The following MECOM variants were observed in gnomAD, a reference collection of about 807,000 sequenced individuals.
MECOM encodes histone-lysine N-methyltransferase MECOM.
In MECOM, 13 loss-of-function variants were observed where a neutral mutation model predicts 116.3. That is an observed-to-expected ratio of 0.11 (90% CI 0.07 to 0.18). The LOEUF (loss-of-function observed/expected upper bound fraction) is 0.18. Ranked by LOEUF, MECOM falls within the 10% of genes least tolerant of loss-of-function variation. The pLI is 1.00. For synonymous variants in MECOM, 528 were observed against 535.2 expected, an observed-to-expected ratio of 0.99 and a Z score of 0.19; for missense variants, 1,299 against 1,509.0, an observed-to-expected ratio of 0.86 and a Z score of 2.31.
At chr3:169,511,756 T>C (rs1755995176) in intron 1 of MECOM, among the ~76,000 whole-genome samples, 1 of 151,856 alleles carries the variant, frequency 6.6e-6, no homozygotes, top group African/African-American at 2.4e-5. Context: ...GCAACAGAGT[T>C]AGACTCTGTC....
chr3:169,400,454 T>C (rs572465114), intron 1 of MECOM, among the ~76,000 whole-genome samples: 30 of 152,354 alleles, frequency 2.0e-4, no homozygotes, highest in Non-Finnish European at 3.2e-4. Context: ...CCTTTGGAAA[T>C]TCTCAACATA....
At chr3:169,543,069 T>C (rs1368744822) in intron 1 of MECOM, among the ~76,000 whole-genome samples, 1 of 152,158 alleles carries the variant, frequency 6.6e-6, no homozygotes. Flanking sequence ...TAGTTACGAA[T>C]ACCAAAATGT....
chr3:169,315,822 A>T (rs188808890), intron 2 of MECOM, among the ~76,000 whole-genome samples: 4 of 152,298 alleles, frequency 2.6e-5, no homozygotes, highest in African/African-American at 9.6e-5. Context: ...ATTATACAAC[A>T]TTGGTGTAAT....
At chr3:169,089,334 T>C in intron 15 of MECOM, 151 bp from the exon 16 acceptor site, 1 of 486,084 alleles carries the variant, frequency 2.1e-6, no homozygotes, top group Admixed American at 4.3e-5. Context: ...TTTTTATAAA[T>C]ACTTACAAAC....
At position 169,562,584 on chromosome 3, in the gene MECOM, G is replaced by A. The variant is rs149493737; in HGVS notation, c.37+100752C>T. On this transcript the variant is annotated intron_variant, in intron 1 of 16. Coordinates refer to ENST00000651503, the MANE Select transcript of MECOM (RefSeq NM_004991.4). ...TTTAATTGTGTAGCAACATGAATTT[G>A]GTGTCTTAACCTTTCCGCCTCCTGG... Among the ~76,000 whole-genome samples the A allele has an allele frequency of 5.8e-3, 879 of 152,206 alleles. 9 individuals are homozygous for A. Among genetic ancestry groups the A allele is most frequent in the African/African-American group, 0.02 (843 of 41,536 alleles).
At chr3:169,267,586 C>A (rs1225944690) in intron 2 of MECOM, among the ~76,000 whole-genome samples, 1 of 152,078 alleles carries the variant, frequency 6.6e-6, no homozygotes, top group Non-Finnish European at 1.5e-5. Context: ...TGGGATGGAA[C>A]ATTAGCCTAT....
chr3:169,570,506 T>G lies in MECOM; in HGVS notation c.37+92830A>C, dbSNP rs147412804. ...TCATTTTACGAGGCCAGCATCATCC[T>G]AATACCAAAACCTGAAAAAGACACA... On this transcript the variant is annotated intron_variant, in intron 1 of 16. Coordinates refer to ENST00000651503, the MANE Select transcript of MECOM (RefSeq NM_004991.4). Among the ~76,000 whole-genome samples the G allele has an allele frequency of 9.2e-5, 14 of 152,260 alleles. No individual in the cohort carries two copies. In the East Asian group the frequency reaches 1.7e-3, roughly 19 times the overall value.
chr3:169,423,092 G>A lies in MECOM; in HGVS notation c.38-41568C>T, dbSNP rs528700665. On this transcript the variant is annotated intron_variant, in intron 1 of 16. Coordinates refer to ENST00000651503, the MANE Select transcript of MECOM (RefSeq NM_004991.4). ...TTAAAATGCAAGCTCTGATTCAGTAGATCTAGGTGAACCCTGAGATTGTGC... is the reference window on the plus strand; with the variant it reads ...TTAAAATGCAAGCTCTGATTCAGTAAATCTAGGTGAACCCTGAGATTGTGC... Among the ~76,000 whole-genome samples the A allele has an allele frequency of 2.6e-5, 4 of 152,176 alleles. No homozygotes were observed. In the South Asian group the frequency reaches 8.3e-4, roughly 32 times the overall value.
At chr3:169,550,514 A>G (rs1428904042) in intron 1 of MECOM, among the ~76,000 whole-genome samples, 1 of 152,248 alleles carries the variant, frequency 6.6e-6, no homozygotes, top group Non-Finnish European at 1.5e-5. Flanking sequence ...AGGCTACGCC[A>G]CAAGGAACTC....
intron 1 of MECOM, among the ~76,000 whole-genome samples, chr3:169,609,991 AG>A (rs1462772704): frequency 6.6e-6 from 1 of 152,174 alleles, no homozygotes. Context: ...ATTTCCCCAA[AG>A]GATATCCCAA....
At chr3:169,234,518 A>C (rs1483987860) in intron 2 of MECOM, among the ~76,000 whole-genome samples, 3 of 152,188 alleles carry the variant, frequency 2.0e-5, no homozygotes, top group African/African-American at 7.2e-5. Context: ...GAAAAAAGAA[A>C]AAGGAAAGGA....
At chr3:169,323,152 C>T (rs1560131169) in intron 2 of MECOM, among the ~76,000 whole-genome samples, 4 of 152,126 alleles carry the variant, frequency 2.6e-5, no homozygotes, top group Middle Eastern at 3.4e-3. Flanking sequence ...TCATCATATG[C>T]ACTCACACAT....
At chr3:169,513,107 A>G (rs535759403) in intron 1 of MECOM, among the ~76,000 whole-genome samples, 1 of 152,216 alleles carries the variant, frequency 6.6e-6, no homozygotes, top group Non-Finnish European at 1.5e-5. Context: ...TGACAATGAA[A>G]TGCTGTTAAC....
At chr3:169,435,620 C>T (rs1742496303) in intron 1 of MECOM, among the ~76,000 whole-genome samples, 1 of 152,126 alleles carries the variant, frequency 6.6e-6, no homozygotes, top group Admixed American at 6.6e-5. Context: ...GATTATGTGT[C>T]TATTTATCTT....
intron 2 of MECOM, among the ~76,000 whole-genome samples, chr3:169,337,467 C>T (rs1723761754): frequency 6.6e-6 from 1 of 152,114 alleles, no homozygotes; most frequent in Non-Finnish European, 1.5e-5. Flanking sequence ...TTAATACCAA[C>T]CTCCATCTTT....
chr3:169,272,107 TC>T (rs1759018703), intron 2 of MECOM, among the ~76,000 whole-genome samples: 1 of 152,228 alleles, frequency 6.6e-6, no homozygotes, highest in Non-Finnish European at 1.5e-5. Context: ...ATGACAGGGT[TC>T]AACCATTGAT....
intron 2 of MECOM, among the ~76,000 whole-genome samples, chr3:169,254,114 A>G (rs1756571328): frequency 6.6e-6 from 1 of 152,132 alleles, no homozygotes; most frequent in African/African-American, 2.4e-5. Context: ...ACATTCTGTT[A>G]TAAGACTTAG....
At chr3:169,399,640 A>AT (rs1243865507) in intron 1 of MECOM, among the ~76,000 whole-genome samples, 2 of 152,216 alleles carry the variant, frequency 1.3e-5, no homozygotes, top group Non-Finnish European at 2.9e-5. Context: ...ACTGAGCTAA[A>AT]CCTTGTACAA....
intron 1 of MECOM, among the ~76,000 whole-genome samples, chr3:169,444,392 T>C (rs1047969289): frequency 1.3e-5 from 2 of 152,072 alleles, no homozygotes; most frequent in Admixed American, 1.3e-4. Flanking sequence ...CATGGGGAGG[T>C]AATTGAATCA....
Sources: allele counts gnomAD v4.1 joint callset (sites outside exome capture counted in the v4.1 genomes callset), GRCh38; gene constraint gnomAD v4.1.1; transcripts MANE v1.5; gene names NCBI Gene and HGNC (gene_info 2026-07-23, HGNC 2026-07-21).